KRT23: variants seen among roughly 807,000 people sequenced by gnomAD.
KRT23 encodes the protein keratin 23, also known as keratin, type I cytoskeletal 23.
Under a neutral mutation model 47.6 loss-of-function variants are expected in KRT23, and 38 were observed. That is an observed-to-expected ratio of 0.80 (90% CI 0.62 to 1.05). The LOEUF is 1.05. KRT23 is among the 50% of genes least tolerant of loss of function. The pLI is 0.00. For synonymous variants in KRT23, 191 were observed against 199.0 expected (o/e 0.96, Z 0.34); for missense variants, 503 against 529.5 (o/e 0.95, Z 0.49).
At chr17:40,934,534 C>A (rs908391385) in intron 2 of KRT23, among the ~76,000 whole-genome samples, 1 of 152,132 alleles carries the variant, frequency 6.6e-6, no homozygotes, top group African/African-American at 2.4e-5. Context: ...CTGCTCCACA[C>A]AGTTGTGAGG....
Position 40,925,593 on chromosome 17 carries a change from T to G in KRT23, c.922-19A>C. 1.3e-6 allele frequency: 2 copies of G among 1,557,386 alleles called. No individual in the cohort carries two copies. Among genetic ancestry groups the G allele is most frequent in the Middle Eastern group, 1.7e-4 (1 of 5,802 alleles). On this transcript the variant is annotated intron_variant, in intron 6 of 8. Coordinates refer to ENST00000209718, the MANE Select transcript of KRT23 (RefSeq NM_015515.5). The stretch of plus-strand genomic sequence containing the variant: ...CAGATTTCTGAAAGAGGAAATGATC[T>G]TCTGTTAATTAACTGATGGCTTGAT...
chr17:40,936,948 A>G lies in KRT23; in HGVS notation c.-345T>C, dbSNP rs943232583. 6 of 273,140 alleles carry G rather than the reference A, an allele frequency of 2.2e-5. No individual in the cohort carries two copies. The highest frequency in any genetic ancestry group is 2.0e-5 in the Non-Finnish European group (3 of 147,066). The allele number at this position is 273,140 out of a possible 1,614,324, so 16.9% of individuals were successfully genotyped here. ...TTGCCGTGAAGTTTTTCCATTGTTC[A>G]TTTACCTGGAATGGGTTAGGTTAAA... On this transcript the variant is annotated 5_prime_UTR_variant, in exon 2 of 9. An upstream start codon of the reference 5' UTR is lost. Coordinates refer to ENST00000209718, the MANE Select transcript of KRT23 (RefSeq NM_015515.5).
At chr17:40,932,639 C>G (rs1276620252) in intron 2 of KRT23, among the ~76,000 whole-genome samples, 2 of 152,168 alleles carry the variant, frequency 1.3e-5, no homozygotes, top group Non-Finnish European at 2.9e-5. Flanking sequence ...CTCTAAGTTT[C>G]TGTAATTTAG....
At position 40,933,142 on chromosome 17, in the gene KRT23, G is replaced by A. The variant is rs74516509; in HGVS notation, c.397-1687C>T. On this transcript the variant is annotated intron_variant, in intron 2 of 8. Coordinates refer to ENST00000209718, the MANE Select transcript of KRT23 (RefSeq NM_015515.5). ...AAAATCTAGCACTTTTATAGATTCA[G>A]TGACTACACTGTGAACATCCCCAGG... Among the ~76,000 whole-genome samples, 913 of 152,254 alleles carry A rather than the reference G, an allele frequency of 6.0e-3. 8 individuals carry two copies. The highest frequency in any genetic ancestry group is 0.021 in the African/African-American group (873 of 41,542).
chr17:40,930,597 C>T (rs1284859129), intron 3 of KRT23, among the ~76,000 whole-genome samples: 1 of 151,906 alleles, frequency 6.6e-6, no homozygotes, highest in Non-Finnish European at 1.5e-5. Context: ...AACCCTGTTG[C>T]TACTAAAAAT....
In KRT23 at chr17:40,928,454, T is replaced by C; in HGVS notation, c.790A>G (p.Lys264Glu). The change falls in exon 5 of 9, where the codon AAA becomes GAA. Residue 264 changes from lysine to glutamate, a missense_variant. Lys to Glu is a moderately conservative substitution (Grantham distance 56). Coordinates refer to ENST00000209718, the MANE Select transcript of KRT23 (RefSeq NM_015515.5). ...KKHRDLDTWY[K>E]EQSAAMSQEA... ...GTGCATCTTTCTTTTACCTGTTCTT[T>C]ATACCAAGTGTCCAAGTCTCGATGC... 2 of 1,614,154 alleles carry C rather than the reference T, an allele frequency of 1.2e-6. No homozygotes were observed. Among genetic ancestry groups the C allele is most frequent in the Admixed American group, 1.7e-5 (1 of 60,024 alleles).
At chr17:40,935,637 A>G (rs954626192) in intron 2 of KRT23, among the ~76,000 whole-genome samples, 1 of 152,236 alleles carries the variant, frequency 6.6e-6, no homozygotes, top group Non-Finnish European at 1.5e-5. Context: ...ACAAACGGAA[A>G]TATCTAGGGA....
At chr17:40,935,558 AT>A (rs1238750005) in intron 2 of KRT23, among the ~76,000 whole-genome samples, 2 of 152,140 alleles carry the variant, frequency 1.3e-5, no homozygotes, top group East Asian at 3.8e-4. Context: ...AATTATGCTC[AT>A]TTTATTATTA....
chr17:40,936,738 C>G lies in KRT23; in HGVS notation c.-135G>C, dbSNP rs1910110171. 3 of 794,712 alleles carry G rather than the reference C, an allele frequency of 3.8e-6. No homozygotes were observed. In the South Asian group the frequency reaches 1.2e-4, roughly 31 times the overall value. The allele number at this position is 794,712 out of a possible 1,614,324, so 49.2% of individuals were successfully genotyped here. A position where few individuals can be genotyped will look rare whatever the true frequency, so the allele number is the denominator to read the frequency against. On this transcript the variant is annotated 5_prime_UTR_variant, in exon 2 of 9. Coordinates refer to ENST00000209718, the MANE Select transcript of KRT23 (RefSeq NM_015515.5). Reference sequence around the variant, plus strand: ...TTCCCTTCTCTGACAATTGTACCAACAAGATTGTATCATTGTGCAACTTGT... The same window carrying G: ...TTCCCTTCTCTGACAATTGTACCAAGAAGATTGTATCATTGTGCAACTTGT...
intron 6 of KRT23, among the ~76,000 whole-genome samples, chr17:40,927,124 A>T (rs1909272515): frequency 6.6e-6 from 1 of 152,176 alleles, no homozygotes; most frequent in South Asian, 2.1e-4. Context: ...TTAAGATAGC[A>T]GCTCTTCACC....
chr17:40,936,433 C>T lies in KRT23; in HGVS notation c.171G>A (p.Gly57=). The T allele has an allele frequency of 1.9e-6, 3 of 1,612,408 alleles. No homozygotes were observed. The highest frequency in any genetic ancestry group is 2.5e-6 in the Non-Finnish European group (3 of 1,178,912). ...FTTRSCPPPG[G]SWGSGRSSPL... ...GGCTGCTTCTTCCAGAACCCCAAGACCCTCCAGGGGGTGGGCAGCTCCGCG... is the reference window on the plus strand; with the variant it reads ...GGCTGCTTCTTCCAGAACCCCAAGATCCTCCAGGGGGTGGGCAGCTCCGCG... Residue 57 remains glycine, a synonymous_variant, in exon 2 of 9, where the codon GGG becomes GGA. Transcript: ENST00000209718.
In KRT23 at chr17:40,933,578, C is replaced by G. The variant is rs572164706; in HGVS notation, c.397-2123G>C. Among the ~76,000 whole-genome samples, 17 of 152,320 alleles carry G rather than the reference C, an allele frequency of 1.1e-4. 1 individual carries two copies. Among genetic ancestry groups the G allele is most frequent in the African/African-American group, 3.8e-4 (16 of 41,564 alleles). On this transcript the variant is annotated intron_variant, in intron 2 of 8. Coordinates refer to ENST00000209718, the MANE Select transcript of KRT23 (RefSeq NM_015515.5). ...CTGTCTATGGGCTTATTTAGCTTTT[C>G]TGGGTTAAATTGGTAATTTATCCAT...
At chr17:40,929,614 T>C (rs933230881) in intron 4 of KRT23, 2 of 236,640 alleles carry the variant, frequency 8.5e-6, no homozygotes, top group Middle Eastern at 2.7e-3. Flanking sequence ...TTGCTGAACA[T>C]TGGGCCAGTG....
intron 2 of KRT23, 59 bp from the exon 3 acceptor site, chr17:40,931,514 C>T: frequency 8.4e-7 from 1 of 1,195,578 alleles, no homozygotes; most frequent in Non-Finnish European, 1.3e-6. Flanking sequence ...CCACACATGA[C>T]CGCTGCATGT....
chr17:40,927,728 G>A (rs2143454331), intron 6 of KRT23, among the ~76,000 whole-genome samples: 1 of 152,332 alleles, frequency 6.6e-6, no homozygotes, highest in African/African-American at 2.4e-5. Context: ...GAATAGGGCA[G>A]TGCTTTGGAG....
chr17:40,930,851 A>G (rs1207353637), intron 3 of KRT23, among the ~76,000 whole-genome samples: 1 of 152,102 alleles, frequency 6.6e-6, no homozygotes, highest in Non-Finnish European at 1.5e-5. Context: ...CTTTAATATC[A>G]TCTAATTCTT....
At chr17:40,928,739 G>T in intron 4 of KRT23, 132 bp from the exon 5 acceptor site, 3 of 760,294 alleles carry the variant, frequency 3.9e-6, no homozygotes, top group South Asian at 2.0e-5. Flanking sequence ...TCACTGGTTT[G>T]GTTTCTCAAA....
At chr17:40,929,663 A>G in intron 4 of KRT23, 4 of 367,194 alleles carry the variant, frequency 1.1e-5, no homozygotes, top group Non-Finnish European at 1.9e-5. Flanking sequence ...TTATAGTAAC[A>G]TTAACAAGCA....
Position 40,930,202 on chromosome 17 carries a change from G to C in KRT23, c.480-106C>G. On this transcript the variant is annotated intron_variant, in intron 3 of 8. Transcript: ENST00000209718. ...GAATCTTTTACTTTTTAGGTTTAAA[G>C]AGAGCAAATGAATACATATAGGATG... The C allele has an allele frequency of 4.0e-6, 4 of 993,970 alleles. No individual in the cohort carries two copies. In the South Asian group the frequency reaches 6.5e-5, roughly 16 times the overall value. 61.6% of individuals were successfully genotyped at this position (993,970 alleles called of 1,614,324 possible).
Sources: allele counts gnomAD v4.1 joint callset (sites outside exome capture counted in the v4.1 genomes callset), GRCh38; gene constraint gnomAD v4.1.1; transcripts MANE v1.5; gene names NCBI Gene and HGNC (gene_info 2026-07-23, HGNC 2026-07-21).